The following CD5L variants were observed in gnomAD, a reference collection of about 807,000 sequenced individuals.
CD5L encodes CD5 antigen-like.
A neutral mutation model predicts 40.8 loss-of-function variants in CD5L; 39 were observed. The observed-to-expected ratio is 0.96, with a 90% confidence interval of 0.74 to 1.25. The LOEUF is 1.25. Among genes scored for constraint, CD5L ranks in the 50% most tolerant of loss-of-function variants. The probability of loss-of-function intolerance (pLI) is 0.00; values close to 1 mark genes in which losing one functional copy is unlikely to be tolerated. For missense variants in CD5L, 433 were observed against 435.9 expected (o/e 0.99, Z 0.06); for synonymous variants, 192 against 169.6 (o/e 1.13, Z -1.03).
At chr1:157,840,085 T>C (rs1253493336) in intron 1 of CD5L, among the ~76,000 whole-genome samples, 18 of 152,206 alleles carry the variant, frequency 1.2e-4, no homozygotes, top group Admixed American at 1.1e-3. Flanking sequence ...TGTCATAAAA[T>C]AGTATTTCTC....
At chr1:157,827,266 GTA>G (rs1400703789), downstream of CD5L, among the ~76,000 whole-genome samples, 945 of 95,554 alleles carry the variant, frequency 9.9e-3, 17 homozygotes, top group African/African-American at 0.034. Context: ...GACAAATGGT[GTA>G]TGTGTGTGTG....
chr1:157,829,325 T>G (rs1328622782), downstream of CD5L, among the ~76,000 whole-genome samples: 1 of 152,230 alleles, frequency 6.6e-6, no homozygotes, highest in Non-Finnish European at 1.5e-5. Context: ...TGAGAATAAT[T>G]GAAAGTTCAT....
downstream of CD5L, among the ~76,000 whole-genome samples, chr1:157,830,700 G>A (rs1379141848): frequency 2.6e-5 from 4 of 152,352 alleles, no homozygotes; most frequent in South Asian, 8.3e-4. Flanking sequence ...GTGTTAGCCT[G>A]AAGTCCAGGA....
Position 157,833,196 on chromosome 1 carries a change from G to A in CD5L, c.1035C>T (p.Cys345=). The change falls in exon 5 of 6, where the codon TGC becomes TGT. Residue 345 remains cysteine (C), a synonymous_variant. Coordinates refer to ENST00000368174, the MANE Select transcript of CD5L (RefSeq NM_005894.3). ...CTHQEDVAVI[C]SG ...AACTCCATCTGTAGGACTCACCTGAGCAGATGACAGCCACATCTTCCTGGT... is the reference window on the plus strand; with the variant it reads ...AACTCCATCTGTAGGACTCACCTGAACAGATGACAGCCACATCTTCCTGGT... The A allele has an allele frequency of 6.2e-7, 1 of 1,611,388 alleles. No individual in the cohort carries two copies. Among genetic ancestry groups the A allele is most frequent in the Non-Finnish European group, 8.5e-7 (1 of 1,178,112 alleles).
intron 2 of CD5L, among the ~76,000 whole-genome samples, chr1:157,838,653 T>A (rs187200322): frequency 4.6e-5 from 7 of 151,812 alleles, no homozygotes; most frequent in Admixed American, 1.3e-4. Flanking sequence ...AAATTCAGCT[T>A]GAGGAAACAG....
chr1:157,840,324 C>T (rs982154616), intron 1 of CD5L, among the ~76,000 whole-genome samples: 1 of 152,084 alleles, frequency 6.6e-6, no homozygotes, highest in African/African-American at 2.4e-5. Context: ...GAGTCCTGGG[C>T]CCTGTAACCT....
At chr1:157,837,182 C>T (rs1656240899) in intron 2 of CD5L, among the ~76,000 whole-genome samples, 2 of 152,114 alleles carry the variant, frequency 1.3e-5, no homozygotes, top group South Asian at 4.1e-4. Flanking sequence ...GATCATGCCA[C>T]TGCACTCCAG....
rs779477751 is a variant in CD5L, at chr1:157,835,870, C to T, written c.341G>A (p.Cys114Tyr). 2.5e-6 allele frequency: 4 copies of T among 1,613,822 alleles called. No homozygotes were observed. In the African/African-American group the frequency reaches 4.0e-5, roughly 16 times the overall value. ...TGCCCCAGCATCTTCATCATGTGAACAATCATAAACTTCTTCTTGCTCACA... is the reference window on the plus strand; with the variant it reads ...TGCCCCAGCATCTTCATCATGTGAATAATCATAAACTTCTTCTTGCTCACA... The part of the protein sequence containing the change: ...AQCEQEEVYD[C>Y]SHDEDAGASC... The change falls in exon 3 of 6, where the codon TGT (cysteine) becomes TAT (tyrosine). Residue 114 changes from cysteine (C) to tyrosine (Y), a missense_variant. By Grantham distance (194) the Cys-to-Tyr change is radical (BLOSUM62 -2). Coordinates refer to ENST00000368174, the MANE Select transcript of CD5L (RefSeq NM_005894.3).
chr1:157,827,276 G>A (rs923576901), downstream of CD5L, among the ~76,000 whole-genome samples: 19 of 52,912 alleles, frequency 3.6e-4, no homozygotes, highest in Admixed American at 3.9e-4. Context: ...GTATGTGTGT[G>A]TGTGTGTGTG....
chr1:157,832,824 C>G (rs1656083829), intron 5 of CD5L, among the ~76,000 whole-genome samples: 1 of 152,178 alleles, frequency 6.6e-6, no homozygotes, highest in African/African-American at 2.4e-5. Context: ...GATTTGAAAG[C>G]AATTTTAATG....
At chr1:157,832,069 C>A in intron 5 of CD5L, 101 bp from the exon 6 acceptor site, 1 of 957,020 alleles carries the variant, frequency 1.0e-6, no homozygotes, top group South Asian at 1.8e-5. Context: ...TGGGGCTCAA[C>A]ATAGGAAAAA....
rs1360810749 is a variant in CD5L at position 157,831,371 on chromosome 1, A to T, written c.*593T>A. On this transcript the variant is annotated 3_prime_UTR_variant, in exon 6 of 6. Coordinates refer to ENST00000368174, the MANE Select transcript of CD5L (RefSeq NM_005894.3). ...TAGGACGCTGCTCTGCTCCTGAAAG[A>T]ATTGTCTACCTACACTAAGAAATAA... is the stretch of plus-strand genomic sequence containing the variant. 1 of 985,194 alleles carries T rather than the reference A, an allele frequency of 1.0e-6. No individual in the cohort carries two copies. The highest frequency in any genetic ancestry group is 1.2e-6 in the Non-Finnish European group (1 of 829,914). The allele number at this position is 985,194 out of a possible 1,614,324, so 61.0% of individuals were successfully genotyped here.
chr1:157,831,759 A>G lies in CD5L; in HGVS notation c.*205T>C, dbSNP rs982059936. The G allele has an allele frequency of 7.8e-6, 10 of 1,280,262 alleles. No individual in the cohort carries two copies. Among genetic ancestry groups the G allele is most frequent in the African/African-American group, 7.6e-5 (5 of 65,774 alleles). The allele number at this position is 1,280,262 out of a possible 1,614,324, so 79.3% of individuals were successfully genotyped here. On this transcript the variant is annotated 3_prime_UTR_variant, in exon 6 of 6. Coordinates refer to ENST00000368174, the MANE Select transcript of CD5L (RefSeq NM_005894.3). ...AGCTCATCTTCCCCAGCAAGAGGGA[A>G]CTCAACAGCTCACATCTACAGGCAG...
At chr1:157,841,638 T>G (rs368169849) in intron 1 of CD5L, 36 bp downstream of exon 1, 3 of 1,603,362 alleles carry the variant, frequency 1.9e-6, no homozygotes, top group Non-Finnish European at 2.6e-6. Flanking sequence ...GCCAGAAAAC[T>G]CTGAAGCCTA....
chr1:157,829,742 G>C (rs1385288218), downstream of CD5L, among the ~76,000 whole-genome samples: 1 of 151,972 alleles, frequency 6.6e-6, no homozygotes, highest in Admixed American at 6.6e-5. Flanking sequence ...GGGTTCTTTT[G>C]GTTGGAAGTA....
rs1323734617 is a variant in CD5L at position 157,831,065 on chromosome 1, C to T, written c.*899G>A. The T allele has an allele frequency of 9.1e-6, 9 of 985,238 alleles. No homozygotes were observed. Among genetic ancestry groups the T allele is most frequent in the Non-Finnish European group, 1.1e-5 (9 of 829,908 alleles). 61.0% of individuals were successfully genotyped at this position (985,238 alleles called of 1,614,324 possible). ...TTCTGTCTTGCCTCAAGCTTACAGG[C>T]CCCAAAGTCTCAGTTGATAAAGTGA... On this transcript the variant is annotated 3_prime_UTR_variant, in exon 6 of 6. Coordinates refer to ENST00000368174, the MANE Select transcript of CD5L (RefSeq NM_005894.3).
In CD5L at chr1:157,841,348, C is replaced by T. The variant is rs138187572; in HGVS notation, c.28+326G>A. Reference sequence around the variant, plus strand: ...AGTTCTACTTCCTTTCCTGGCTCTACTTGCTGCTGCCCGGTGCCCATTCAT... The same window carrying T: ...AGTTCTACTTCCTTTCCTGGCTCTATTTGCTGCTGCCCGGTGCCCATTCAT... On this transcript the variant is annotated intron_variant, in intron 1 of 5. Coordinates refer to ENST00000368174, the MANE Select transcript of CD5L (RefSeq NM_005894.3). Among the ~76,000 whole-genome samples, 1,028 of 152,326 alleles carry T rather than the reference C, an allele frequency of 6.7e-3. 11 individuals are homozygous for T. Among genetic ancestry groups the T allele is most frequent in the African/African-American group, 0.023 (961 of 41,576 alleles).
chr1:157,832,413 C>T (rs574140151), intron 5 of CD5L, among the ~76,000 whole-genome samples: 1 of 152,330 alleles, frequency 6.6e-6, no homozygotes, highest in African/African-American at 2.4e-5. Flanking sequence ...GGTCAACTAT[C>T]AGTTCTTATC....
At chr1:157,837,661 G>A (rs1197688778) in intron 2 of CD5L, among the ~76,000 whole-genome samples, 1 of 152,134 alleles carries the variant, frequency 6.6e-6, no homozygotes, top group African/African-American at 2.4e-5. Flanking sequence ...GAACGTGACT[G>A]CTGAGGACCA....
Sources: gnomAD v4.1 joint callset for allele counts (sites outside exome capture counted in the v4.1 genomes callset) on GRCh38, gnomAD v4.1.1 for gene constraint, MANE v1.5 for transcripts, NCBI Gene and HGNC (gene_info 2026-07-23, HGNC 2026-07-21) for gene names.